The following SLC36A1 variants were observed in gnomAD, a reference collection of about 807,000 sequenced individuals.
The protein encoded by SLC36A1 is solute carrier family 36 member 1, also known as proton-coupled amino acid transporter 1.
SLC36A1 carries 30 observed loss-of-function variants against 47.5 expected under a neutral mutation model. That is an observed-to-expected ratio of 0.63 (90% CI 0.47 to 0.86). SLC36A1 has a LOEUF of 0.86. Among genes scored for constraint, SLC36A1 ranks in the 40% least tolerant of loss-of-function variants. The pLI, the probability that SLC36A1 is intolerant of heterozygous loss-of-function variation, is 0.00. For missense variants in SLC36A1, 517 were observed against 606.0 expected (o/e 0.85, Z 1.54); for synonymous variants, 255 against 249.7 (o/e 1.02, Z -0.20).
chr5:151,389,114 A>G, the SLC36A1 span, among the ~76,000 whole-genome samples: 2 of 152,204 alleles, frequency 1.3e-5, no homozygotes, highest in African/African-American at 4.8e-5. Context: ...AGTCCATAGT[A>G]TTTCAGGTCC....
chr5:151,498,405 T>C, the SLC36A1 span, among the ~76,000 whole-genome samples: 1 of 152,194 alleles, frequency 6.6e-6, no homozygotes, highest in South Asian at 2.1e-4. Flanking sequence ...TTATGTATAT[T>C]GTCTCCTTTA....
chr5:151,536,568 C>T, the SLC36A1 span, among the ~76,000 whole-genome samples: 1 of 152,132 alleles, frequency 6.6e-6, no homozygotes, highest in Non-Finnish European at 1.5e-5. Context: ...AAAGGAAGTC[C>T]ACTCCACCAG....
At chr5:151,367,374 T>TTTTTTTTTTTTTTC in the SLC36A1 span, among the ~76,000 whole-genome samples, 360 of 145,490 alleles carry the variant, frequency 2.5e-3, 4 homozygotes, top group African/African-American at 8.8e-3. Context: ...TTTTTTTTTT[T>TTTTTTTTTTTTTTC]CCCCAGGGTA....
At chr5:151,529,541 G>A in the SLC36A1 span, 1 of 633,378 alleles carries the variant, frequency 1.6e-6, no homozygotes, top group Non-Finnish European at 2.8e-6. Context: ...ATCTCCCTTT[G>A]CTATCCCCTT....
At chr5:151,451,667 A>G (rs1753682330) in intron 1 of SLC36A1, among the ~76,000 whole-genome samples, 2 of 152,160 alleles carry the variant, frequency 1.3e-5, no homozygotes, top group African/African-American at 4.8e-5. Flanking sequence ...TCCTATCTTC[A>G]TAACAATATT....
At chr5:151,551,844 T>A in the SLC36A1 span, among the ~76,000 whole-genome samples, 1 of 152,324 alleles carries the variant, frequency 6.6e-6, no homozygotes, top group East Asian at 1.9e-4. Context: ...ATTAATAAAC[T>A]ATAAGAATCC....
chr5:151,433,247 T>TA (rs1339612996), upstream of SLC36A1, among the ~76,000 whole-genome samples: 29 of 14,438 alleles, frequency 2.0e-3, 1 homozygote, highest in East Asian at 0.057. Context: ...TATATATATA[T>TA]ATATATATAT....
the SLC36A1 span, among the ~76,000 whole-genome samples, chr5:151,515,462 C>G: frequency 6.6e-6 from 1 of 152,262 alleles, no homozygotes; most frequent in South Asian, 2.1e-4. Context: ...TTAGGCTTGT[C>G]TTACCAGATC....
chr5:151,398,555 T>C, the SLC36A1 span, among the ~76,000 whole-genome samples: 3 of 152,300 alleles, frequency 2.0e-5, no homozygotes, highest in East Asian at 5.8e-4. Context: ...TGGTTTGAGA[T>C]GGTTGTCTAG....
At chr5:151,554,212 C>A in the SLC36A1 span, 1 of 713,726 alleles carries the variant, frequency 1.4e-6, no homozygotes, top group Non-Finnish European at 2.3e-6. Flanking sequence ...TTGGCTGAAG[C>A]TGAGACTCCC....
At chr5:151,540,406 T>C in the SLC36A1 span, among the ~76,000 whole-genome samples, 1 of 149,684 alleles carries the variant, frequency 6.7e-6, no homozygotes, top group African/African-American at 2.5e-5. Flanking sequence ...TGCCCCTCAC[T>C]CTCTGTTCTC....
downstream of SLC36A1, chr5:151,492,513 A>G (rs183302906): frequency 6.6e-6 from 1 of 151,514 alleles, no homozygotes; most frequent in Admixed American, 6.6e-5. Context: ...AGACCCATCC[A>G]TGGAATTAAG....
At chr5:151,363,416 G>A in the SLC36A1 span, among the ~76,000 whole-genome samples, 2 of 152,076 alleles carry the variant, frequency 1.3e-5, no homozygotes. Flanking sequence ...CTGCTTGATG[G>A]CTTTTCACTT....
the SLC36A1 span, chr5:151,546,414 G>T: frequency 1.8e-6 from 2 of 1,128,300 alleles, no homozygotes; most frequent in Non-Finnish European, 2.5e-6. Flanking sequence ...TCAGTAAAGG[G>T]TCTATCACAC....
intron 10 of SLC36A1, among the ~76,000 whole-genome samples, chr5:151,486,056 G>A (rs1278369863): frequency 1.3e-5 from 2 of 152,182 alleles, no homozygotes; most frequent in Admixed American, 6.5e-5. Context: ...CTGAGACTGG[G>A]TAATTTATAA....
chr5:151,509,874 G>T, the SLC36A1 span: 16 of 896,442 alleles, frequency 1.8e-5, no homozygotes, highest in African/African-American at 3.3e-5. Flanking sequence ...AAAGGTTGGG[G>T]ACCACTGCCC....
the SLC36A1 span, among the ~76,000 whole-genome samples, chr5:151,398,459 AAT>A: frequency 6.6e-6 from 1 of 152,170 alleles, no homozygotes; most frequent in African/African-American, 2.4e-5. Context: ...TATGTATCAG[AAT>A]ATATAGCAGC....
the SLC36A1 span, among the ~76,000 whole-genome samples, chr5:151,395,491 C>T: frequency 5.9e-5 from 9 of 152,304 alleles, no homozygotes; most frequent in East Asian, 1.9e-4. Context: ...CTGTCTTCTG[C>T]GTCACTCATG....
rs1366348950 is a variant in SLC36A1, at chr5:151,468,449, T to C, written c.723+524T>C. On this transcript the variant is annotated intron_variant, in intron 7 of 10. Coordinates refer to ENST00000243389, the MANE Select transcript of SLC36A1 (RefSeq NM_078483.4). ...TTTATATATTGTGTATATATATACATAATATATATATGTAAGTGGAATGTA... is the reference window on the plus strand; with the variant it reads ...TTTATATATTGTGTATATATATACACAATATATATATGTAAGTGGAATGTA... 2.0e-5 allele frequency among the ~76,000 whole-genome samples: 3 copies of C among 146,958 alleles called. No homozygotes were observed. The Admixed American group carries it at 2.1e-4, about 10-fold the overall frequency.
Sources: allele counts gnomAD v4.1 joint callset (sites outside exome capture counted in the v4.1 genomes callset), GRCh38; gene constraint gnomAD v4.1.1; transcripts MANE v1.5; gene names NCBI Gene and HGNC (gene_info 2026-07-23, HGNC 2026-07-21).